The following EPHB2 variants were observed in gnomAD, a reference collection of about 807,000 sequenced individuals.
EPHB2 encodes the protein ephrin type-B receptor 2.
EPHB2 carries 18 observed loss-of-function variants against 96.4 expected under a neutral mutation model. That is an observed-to-expected ratio of 0.19 (90% CI 0.13 to 0.28). The LOEUF (loss-of-function observed/expected upper bound fraction) is 0.28, where lower values mean the gene tolerates loss of function less well. Ranked by LOEUF, EPHB2 falls within the 10% of genes least tolerant of loss-of-function variation. EPHB2 has a pLI of 1.00. For synonymous variants in EPHB2, 506 were observed against 534.1 expected, an observed-to-expected ratio of 0.95 and a Z score of 0.72; for missense variants, 989 against 1,355.4, an observed-to-expected ratio of 0.73 and a Z score of 4.25.
At chr1:22,756,196 T>A (rs890228894) in intron 1 of EPHB2, among the ~76,000 whole-genome samples, 2 of 151,992 alleles carry the variant, frequency 1.3e-5, no homozygotes, top group Non-Finnish European at 2.9e-5. Context: ...TTGCACTTTC[T>A]CCCACAGGCC....
chr1:22,723,169 T>A (rs1324930265), intron 1 of EPHB2, among the ~76,000 whole-genome samples: 2 of 152,138 alleles, frequency 1.3e-5, no homozygotes, highest in Admixed American at 1.3e-4. Flanking sequence ...ACAAAAAGCA[T>A]CTGAAACGTG....
At chr1:22,849,970 C>T (rs1044657740) in intron 3 of EPHB2, among the ~76,000 whole-genome samples, 13 of 152,196 alleles carry the variant, frequency 8.5e-5, no homozygotes, top group African/African-American at 2.2e-4. Context: ...GTTGCCTTAA[C>T]CGAGCTCACC....
chr1:22,716,822 C>T (rs1213661558), intron 1 of EPHB2, among the ~76,000 whole-genome samples: 5 of 152,194 alleles, frequency 3.3e-5, no homozygotes, highest in Admixed American at 3.3e-4. Flanking sequence ...CTGGGCAAGG[C>T]AGGGGACCCA....
At chr1:22,711,473 G>A (rs1336199748) in intron 1 of EPHB2, among the ~76,000 whole-genome samples, 1 of 150,598 alleles carries the variant, frequency 6.6e-6, no homozygotes, top group Admixed American at 6.6e-5. Flanking sequence ...GTTTGGCAGG[G>A]AGCAGAGGGA....
At chr1:22,724,326 C>T (rs1370712659) in intron 1 of EPHB2, among the ~76,000 whole-genome samples, 1 of 152,154 alleles carries the variant, frequency 6.6e-6, no homozygotes, top group Non-Finnish European at 1.5e-5. Flanking sequence ...AGAGAACTAA[C>T]ATTTACTGAT....
intron 4 of EPHB2, among the ~76,000 whole-genome samples, chr1:22,863,450 A>G (rs1638349855): frequency 6.6e-6 from 1 of 152,172 alleles, no homozygotes; most frequent in South Asian, 2.1e-4. Flanking sequence ...TGGATTCACA[A>G]AGGGACAGGG....
intron 12 of EPHB2, 43 bp from the exon 13 acceptor site, chr1:22,908,979 G>A: frequency 5.0e-6 from 8 of 1,613,236 alleles, no homozygotes; most frequent in Non-Finnish European, 5.1e-6. Context: ...AGGTCAGACA[G>A]GCCAGCCTCC....
intron 3 of EPHB2, among the ~76,000 whole-genome samples, chr1:22,850,049 C>T (rs1391520221): frequency 6.6e-6 from 1 of 152,214 alleles, no homozygotes; most frequent in Non-Finnish European, 1.5e-5. Context: ...ATGACCATGG[C>T]TTTCTTGGGG....
chr1:22,857,439 C>T lies in EPHB2; in HGVS notation c.812-5598C>T, dbSNP rs533178658. Among the ~76,000 whole-genome samples the T allele has an allele frequency of 3.5e-4, 53 of 152,110 alleles. 1 individual carries two copies. The South Asian group carries it at 3.5e-3, about 10-fold the overall frequency. ...CAGGGAGATGAAGGAGAAGGGCATTCGGGCAAAGGGACCAGCATATGTGGC... is the reference window on the plus strand; with the variant it reads ...CAGGGAGATGAAGGAGAAGGGCATTTGGGCAAAGGGACCAGCATATGTGGC... On this transcript the variant is annotated intron_variant, in intron 3 of 15. Transcript: ENST00000374630.
Position 22,718,582 on chromosome 1 carries a change from T to A in EPHB2, c.61+7539T>A, listed in dbSNP as rs187505085. On this transcript the variant is annotated intron_variant, in intron 1 of 15. Transcript: ENST00000374630. ...TTTGTATATTTTAGTAGAGATGGGGTTTCACTATGTTGGTCAGGCTGGTCT... is the reference window on the plus strand; with the variant it reads ...TTTGTATATTTTAGTAGAGATGGGGATTCACTATGTTGGTCAGGCTGGTCT... 1.6e-4 allele frequency among the ~76,000 whole-genome samples: 24 copies of A among 151,766 alleles called. No homozygotes were observed. The East Asian group carries it at 4.1e-3, about 26-fold the overall frequency.
intron 3 of EPHB2, among the ~76,000 whole-genome samples, chr1:22,803,348 T>C (rs1644872293): frequency 6.6e-6 from 1 of 152,122 alleles, no homozygotes; most frequent in Admixed American, 6.5e-5. Flanking sequence ...GGCACACACC[T>C]GTAATCTCAG....
intron 1 of EPHB2, among the ~76,000 whole-genome samples, chr1:22,731,198 T>G (rs757561785): frequency 6.6e-6 from 1 of 152,152 alleles, no homozygotes; most frequent in African/African-American, 2.4e-5. Context: ...GGCAGCCAGG[T>G]TGGTGACTCT....
intron 5 of EPHB2, among the ~76,000 whole-genome samples, chr1:22,874,432 G>C (rs537355346): frequency 1.3e-5 from 2 of 152,304 alleles, no homozygotes; most frequent in Non-Finnish European, 2.9e-5. Flanking sequence ...TAGGAGATGG[G>C]TGATTGGATG....
At position 22,781,572 on chromosome 1, in the gene EPHB2, C is replaced by A. The variant is rs554473729; in HGVS notation, c.126+87C>A. ...GCCCGAATGCCCCCTCATATTCTAA[C>A]CCCTTTCCCCCTCTTCAGGACCCAG... On this transcript the variant is annotated intron_variant, in intron 2 of 15. Coordinates refer to ENST00000374630, the MANE Select transcript of EPHB2 (RefSeq NM_017449.5). The A allele has an allele frequency of 5.1e-4, 690 of 1,343,722 alleles. 8 individuals are homozygous for A. In the African/African-American group the frequency reaches 8.4e-3, roughly 16 times the overall value. 83.2% of individuals were successfully genotyped at this position (1,343,722 alleles called of 1,614,324 possible). A position where few individuals can be genotyped will look rare whatever the true frequency, so the allele number is the denominator to read the frequency against.
intron 3 of EPHB2, among the ~76,000 whole-genome samples, chr1:22,798,683 G>A (rs953190328): frequency 3.2e-4 from 48 of 152,086 alleles, no homozygotes; most frequent in Admixed American, 5.9e-4. Flanking sequence ...AGAGCTCCCC[G>A]CCCTGCCACT....
Position 22,910,430 on chromosome 1 carries a change from T to C in EPHB2, c.2551T>C (p.Cys851Arg). 1 of 1,614,236 alleles carries C rather than the reference T, an allele frequency of 6.2e-7. No homozygotes were observed. The highest frequency in any genetic ancestry group is 8.5e-7 in the Non-Finnish European group (1 of 1,180,024). Reference sequence around the variant, plus strand: ...CTATCGGCTGCCACCGCCCATGGACTGCCCGAGCGCCCTGCACCAACTCAT... The same window carrying C: ...CTATCGGCTGCCACCGCCCATGGACCGCCCGAGCGCCCTGCACCAACTCAT... ...QDYRLPPPMD[C>R]PSALHQLMLD... The change falls in exon 14 of 16, where the codon TGC becomes CGC. Residue 851 changes from cysteine to arginine, a missense_variant. Transcript: ENST00000374630.
rs1639444896 is a variant in EPHB2, at chr1:22,893,049, G to A, written c.1591+3G>A. 1 of 1,614,190 alleles carries A rather than the reference G, an allele frequency of 6.2e-7. No individual in the cohort carries two copies. Among genetic ancestry groups the A allele is most frequent in the Non-Finnish European group, 8.5e-7 (1 of 1,180,046 alleles). On this transcript the variant is annotated splice_donor_region_variant and intron_variant, in intron 7 of 15. Coordinates refer to ENST00000374630, the MANE Select transcript of EPHB2 (RefSeq NM_017449.5). ...GTACTTCCAGACCATGACAGAAGGT[G>A]AGCAGAGTCCAGCGGGCAAGAGGAG...
intron 4 of EPHB2, among the ~76,000 whole-genome samples, chr1:22,864,289 G>C (rs550192745): frequency 1.3e-5 from 2 of 151,736 alleles, no homozygotes; most frequent in African/African-American, 2.4e-5. Context: ...CAGGTGATCC[G>C]CCTGCCTCGG....
intron 3 of EPHB2, among the ~76,000 whole-genome samples, chr1:22,794,862 C>T (rs1644745105): frequency 6.6e-6 from 1 of 152,206 alleles, no homozygotes; most frequent in Non-Finnish European, 1.5e-5. Context: ...AAGTTCCCCG[C>T]CCTCCAGCCA....
Sources: gnomAD v4.1 joint callset for allele counts (sites outside exome capture counted in the v4.1 genomes callset) on GRCh38, gnomAD v4.1.1 for gene constraint, MANE v1.5 for transcripts, NCBI Gene and HGNC (gene_info 2026-07-23, HGNC 2026-07-21) for gene names.